Variants in NCOA7 observed in about 807,000 individuals in gnomAD.
NCOA7 encodes 140 kDa estrogen receptor-associated protein.
In NCOA7, 45 loss-of-function variants were observed where a neutral mutation model predicts 104.3. The ratio of observed to expected loss-of-function variants is 0.43; its 90% CI spans 0.34 to 0.55. The LOEUF (loss-of-function observed/expected upper bound fraction) is 0.55, where lower values mean the gene tolerates loss of function less well. Ranked by LOEUF, NCOA7 falls within the 20% of genes least tolerant of loss-of-function variation. The pLI is 0.02. For synonymous variants in NCOA7, 398 were observed against 402.3 expected (o/e 0.99, Z 0.13); for missense variants, 1,041 against 1,119.7 (o/e 0.93, Z 1.00).
chr6:125,892,979 T>G (rs1540947), intron 10 of NCOA7, among the ~76,000 whole-genome samples: 7,708 of 152,264 alleles, frequency 0.051, 546 homozygotes, highest in African/African-American at 0.16. Flanking sequence ...AGGGGGAAGA[T>G]GAAGCAGTCC....
chr6:125,916,376 A>T (rs1475777382), intron 11 of NCOA7, among the ~76,000 whole-genome samples: 11 of 152,188 alleles, frequency 7.2e-5, no homozygotes, highest in Admixed American at 7.2e-4. Context: ...GTGAAAACGG[A>T]CTAATACACA....
At chr6:125,846,747 T>A (rs1372295454) in intron 2 of NCOA7, among the ~76,000 whole-genome samples, 6 of 152,270 alleles carry the variant, frequency 3.9e-5, no homozygotes, top group African/African-American at 1.2e-4. Flanking sequence ...GGCTGTAACC[T>A]AGGCTTGTGA....
chr6:125,919,238 C>G, intron 11 of NCOA7: 1 of 1,601,610 alleles, frequency 6.2e-7, no homozygotes, highest in Non-Finnish European at 8.5e-7. Context: ...ATGCAGGAAA[C>G]TAGATACTGA....
At chr6:125,814,554 G>A (rs1460200518) in intron 1 of NCOA7, among the ~76,000 whole-genome samples, 1 of 152,220 alleles carries the variant, frequency 6.6e-6, no homozygotes, top group South Asian at 2.1e-4. Context: ...TTAGACTGGT[G>A]AATCACTGAA....
intron 1 of NCOA7, among the ~76,000 whole-genome samples, chr6:125,808,024 C>G (rs2128560920): frequency 6.6e-6 from 1 of 152,260 alleles, no homozygotes; most frequent in South Asian, 2.1e-4. Context: ...CCTCATTTTC[C>G]TGATCCACTA....
chr6:125,785,417 A>T (rs1190558602), intron 1 of NCOA7, among the ~76,000 whole-genome samples: 2 of 152,220 alleles, frequency 1.3e-5, no homozygotes, highest in Non-Finnish European at 2.9e-5. Flanking sequence ...ATTGTAATGT[A>T]ATTTTGTAAG....
intron 1 of NCOA7, among the ~76,000 whole-genome samples, chr6:125,793,762 A>G (rs1012204727): frequency 3.3e-5 from 5 of 152,254 alleles, no homozygotes; most frequent in Non-Finnish European, 7.3e-5. Context: ...TGCTAAAATC[A>G]GAATTGTTGA....
chr6:125,880,946 A>G lies in NCOA7; in HGVS notation c.460-144A>G, dbSNP rs1015346645. On this transcript the variant is annotated intron_variant, in intron 5 of 15. Coordinates refer to ENST00000392477, the MANE Select transcript of NCOA7 (RefSeq NM_181782.5). ...TTCATGGATTAGTCTAGAAAACCGT[A>G]AGTTGCTTATGAGTTTCTTGAAAGC... 3 of 641,106 alleles carry G rather than the reference A, an allele frequency of 4.7e-6. No homozygotes were observed. In the East Asian group the frequency reaches 8.1e-5, roughly 17 times the overall value. The allele number at this position is 641,106 out of a possible 1,614,324, so 39.7% of individuals were successfully genotyped here.
At chr6:125,897,158 G>A (rs1172096731) in intron 10 of NCOA7, among the ~76,000 whole-genome samples, 2 of 152,162 alleles carry the variant, frequency 1.3e-5, no homozygotes, top group African/African-American at 2.4e-5. Flanking sequence ...TCTATGTTGC[G>A]TGTATATACC....
intron 11 of NCOA7, among the ~76,000 whole-genome samples, chr6:125,920,237 G>C (rs1427201083): frequency 6.6e-6 from 1 of 152,162 alleles, no homozygotes; most frequent in Non-Finnish European, 1.5e-5. Context: ...TTAGACTAAA[G>C]CTTCACACTT....
At chr6:125,841,447 T>C (rs1780165730) in intron 2 of NCOA7, among the ~76,000 whole-genome samples, 1 of 152,142 alleles carries the variant, frequency 6.6e-6, no homozygotes. Context: ...CATGATTATA[T>C]TTATTTATTT....
At chr6:125,878,547 T>A (rs1279638758) in intron 5 of NCOA7, among the ~76,000 whole-genome samples, 177 bp downstream of exon 5, 1 of 152,152 alleles carries the variant, frequency 6.6e-6, no homozygotes, top group African/African-American at 2.4e-5. Context: ...TCTTGCTCTG[T>A]TGCCCAGGCT....
At chr6:125,854,082 A>G (rs1328430324) in intron 2 of NCOA7, among the ~76,000 whole-genome samples, 4 of 152,192 alleles carry the variant, frequency 2.6e-5, no homozygotes. Context: ...GTATGAGAGA[A>G]ATCTAACTGT....
intron 4 of NCOA7, 43 bp downstream of exon 4, chr6:125,875,011 A>G: frequency 7.1e-7 from 1 of 1,401,022 alleles, no homozygotes; most frequent in Non-Finnish European, 1.0e-6. Flanking sequence ...TAATAGCACT[A>G]CATTTATATA....
intron 1 of NCOA7, among the ~76,000 whole-genome samples, chr6:125,810,546 G>A (rs955791739): frequency 6.6e-6 from 1 of 152,176 alleles, no homozygotes; most frequent in African/African-American, 2.4e-5. Context: ...AGTCTAGAGT[G>A]TATTGAATGA....
At chr6:125,801,620 G>C (rs764231906) in intron 1 of NCOA7, among the ~76,000 whole-genome samples, 3 of 152,220 alleles carry the variant, frequency 2.0e-5, no homozygotes, top group Non-Finnish European at 4.4e-5. Flanking sequence ...TGTTCCCGCT[G>C]AAACTGGTAG....
intron 8 of NCOA7, among the ~76,000 whole-genome samples, chr6:125,888,428 G>C (rs1015538938): frequency 6.6e-6 from 1 of 152,170 alleles, no homozygotes; most frequent in African/African-American, 2.4e-5. Context: ...CAGGGTTCAA[G>C]GTCAGTGACT....
At chr6:125,818,088 A>T (rs1288561975) in intron 2 of NCOA7, among the ~76,000 whole-genome samples, 35 of 108,814 alleles carry the variant, frequency 3.2e-4, no homozygotes, top group Admixed American at 6.9e-4. Context: ...TCTTTCTCCC[A>T]CCTCCTCCTT....
chr6:125,889,159 G>A lies in NCOA7; in HGVS notation c.1105G>A (p.Glu369Lys), dbSNP rs1221579883. The A allele has an allele frequency of 6.2e-7, 1 of 1,614,138 alleles. No homozygotes were observed. Among genetic ancestry groups the A allele is most frequent in the Admixed American group, 1.7e-5 (1 of 60,012 alleles). ...AAAGCCCTCAGGCAGCTCTGTGTCA[G>A]AGAAATTAAAGAAACTGGACTCCTC... Reference protein sequence around the residue: ...PTKPSGSSVSEKLKKLDSSRE... With the variant: ...PTKPSGSSVSKKLKKLDSSRE... Residue 369 changes from glutamate (E) to lysine (K), a missense_variant, in exon 9 of 16, where the codon GAG becomes AAG. Physicochemically the swap from Glu to Lys is moderately conservative, Grantham distance 56. Around this residue, in one of 2 missense-constraint regions of NCOA7, gnomAD observed 914 missense variants for 942.7 expected, o/e 0.97. Coordinates refer to ENST00000392477, the MANE Select transcript of NCOA7 (RefSeq NM_181782.5).
Sources: gnomAD v4.1 joint callset for allele counts (sites outside exome capture counted in the v4.1 genomes callset) on GRCh38, gnomAD v4.1.1 for gene constraint, gnomAD v4.1.1 regional missense constraint, MANE v1.5 for transcripts, NCBI Gene and HGNC (gene_info 2026-07-23, HGNC 2026-07-21) for gene names.